The following FBF1 variants were observed in gnomAD, a reference collection of about 807,000 sequenced individuals.
The protein encoded by FBF1 is Fas binding factor 1.
FBF1 carries 119 observed loss-of-function variants against 147.2 expected under a neutral mutation model. The ratio of observed to expected loss-of-function variants is 0.81; its 90% CI spans 0.70 to 0.94. FBF1 has a LOEUF of 0.94. Among genes scored for constraint, FBF1 ranks in the 40% least tolerant of loss-of-function variants. The probability of loss-of-function intolerance (pLI) is 0.00; values close to 1 mark genes in which losing one functional copy is unlikely to be tolerated. For synonymous variants in FBF1, 601 were observed against 609.0 expected, an observed-to-expected ratio of 0.99 and a Z score of 0.19; for missense variants, 1,449 against 1,500.8, an observed-to-expected ratio of 0.97 and a Z score of 0.57.
In FBF1 at chr17:75,928,126, G is replaced by A. The variant is rs2065573483; in HGVS notation, c.347C>T (p.Ala116Val). The A allele has an allele frequency of 6.2e-7, 1 of 1,613,846 alleles. No individual in the cohort carries two copies. ...KKSNSAPSKKAAKDPGKGELP... is the reference protein window; with the variant it reads ...KKSNSAPSKKVAKDPGKGELP... ...CTCTCCTTTCCCAGGGTCCTTTGCA[G>A]CTTTTTTGCTAGGGGCTGAATTAGA... Residue 116 changes from alanine to valine, a missense_variant, in exon 8 of 30, where the codon GCT becomes GTT. Transcript: ENST00000636174. This position sits in a 1 kb window ranked among gnomAD's most constrained non-coding sequence, Gnocchi z 4.2.
rs1045933886 is a variant in FBF1, at chr17:75,922,873, G to A, written c.1424+313C>T. Among the ~76,000 whole-genome samples the A allele has an allele frequency of 2.6e-5, 4 of 152,212 alleles. No individual in the cohort carries two copies. Among genetic ancestry groups the A allele is most frequent in the African/African-American group, 9.6e-5 (4 of 41,462 alleles). On this transcript the variant is annotated intron_variant, in intron 14 of 29. Coordinates refer to ENST00000636174, the MANE Select transcript of FBF1 (RefSeq NM_001319193.2). This position sits in a 1 kb window ranked among gnomAD's most constrained non-coding sequence, Gnocchi z 5.0. Reference sequence around the variant, plus strand: ...CCTGAGGGCGCTGTGACAGGGCAGCGGTGTGTCTGCCACCTCAGGGACCCT... The same window carrying A: ...CCTGAGGGCGCTGTGACAGGGCAGCAGTGTGTCTGCCACCTCAGGGACCCT...
chr17:75,914,889 C>A lies in FBF1; in HGVS notation c.2672G>T (p.Gly891Val), dbSNP rs369687550. The A allele has an allele frequency of 3.3e-5, 53 of 1,612,294 alleles. No individual in the cohort carries two copies. The highest frequency in any genetic ancestry group is 3.8e-5 in the Non-Finnish European group (45 of 1,179,666). ...EEQKSVMLKC[G>V]EERRRLAAEW... ...GGCAGCCAGGCGCCGCCGCTCCTCCCCGCACTTGAGCATGACAGACTTCTG... is the reference window on the plus strand; with the variant it reads ...GGCAGCCAGGCGCCGCCGCTCCTCCACGCACTTGAGCATGACAGACTTCTG... The change falls in exon 25 of 30, where the codon GGG becomes GTG. Residue 891 changes from glycine to valine, a missense_variant. Gly to Val is a moderately radical substitution (Grantham distance 109). Coordinates refer to ENST00000636174, the MANE Select transcript of FBF1 (RefSeq NM_001319193.2).
chr17:75,919,549 G>T lies in FBF1; in HGVS notation c.2138+119C>A. 1 of 1,153,510 alleles carries T rather than the reference G, an allele frequency of 8.7e-7. No individual in the cohort carries two copies. 71.5% of individuals were successfully genotyped at this position (1,153,510 alleles called of 1,614,324 possible). A position where few individuals can be genotyped will look rare whatever the true frequency, so the allele number is the denominator to read the frequency against. On this transcript the variant is annotated intron_variant, in intron 20 of 29. Transcript: ENST00000636174. The surrounding 1 kb of genome is among the most constrained non-coding windows in gnomAD (Gnocchi z 5.0). ...CAGTCCTCACTCACTGGACTGGGAG[G>T]GAAGGACCCAACCCCTGTCCAAAGG...
rs992321599 is a variant in FBF1 at position 75,925,923 on chromosome 17, C to G, written c.868+107G>C. On this transcript the variant is annotated intron_variant, in intron 12 of 29. Coordinates refer to ENST00000636174, the MANE Select transcript of FBF1 (RefSeq NM_001319193.2). The surrounding 1 kb of genome is among the most constrained non-coding windows in gnomAD (Gnocchi z 5.0). ...TCTCAGCTATAGACGTGTATAATCA[C>G]ATGTGTGTATCAGGATGTGAGGCTG... 10 of 1,403,296 alleles carry G rather than the reference C, an allele frequency of 7.1e-6. No individual in the cohort carries two copies. In the East Asian group the frequency reaches 2.2e-4, roughly 31 times the overall value. 86.9% of individuals were successfully genotyped at this position (1,403,296 alleles called of 1,614,324 possible). A position where few individuals can be genotyped will look rare whatever the true frequency, so the allele number is the denominator to read the frequency against.
chr17:75,933,038 T>G lies in FBF1; in HGVS notation c.124A>C (p.Thr42Pro). 1.2e-6 allele frequency: 2 copies of G among 1,608,442 alleles called. No individual in the cohort carries two copies. The highest frequency in any genetic ancestry group is 1.7e-6 in the Non-Finnish European group (2 of 1,175,416). The change falls in exon 5 of 30, where the codon ACA becomes CCA. Residue 42 changes from threonine (T) to proline (P), a missense_variant. Coordinates refer to ENST00000636174, the MANE Select transcript of FBF1 (RefSeq NM_001319193.2). ...VKLASHTRDT[T>P]GVSQMFPSSK... is the part of the protein sequence containing the mutation. ...GAAGGGAACATCTGAGATACACCTG[T>G]GGTGTCTCTGGTATGTGAAGCTAGT...
chr17:75,932,601 C>T (rs892523404), intron 5 of FBF1, among the ~76,000 whole-genome samples: 4 of 151,566 alleles, frequency 2.6e-5, no homozygotes, highest in East Asian at 2.0e-4. Context: ...CAAAATTAGC[C>T]GGGTGGGCCG....
chr17:75,933,506 G>T (rs572998143), intron 4 of FBF1, among the ~76,000 whole-genome samples: 1 of 152,262 alleles, frequency 6.6e-6, no homozygotes, highest in South Asian at 2.1e-4. Context: ...GGGAGACGGA[G>T]ATTGCAGTGA....
At chr17:75,935,922 T>C (rs985941410) in intron 3 of FBF1, among the ~76,000 whole-genome samples, 5 of 152,138 alleles carry the variant, frequency 3.3e-5, no homozygotes, top group Non-Finnish European at 7.4e-5. Context: ...ACACCTGCAA[T>C]CCCAGCACTT....
intron 2 of FBF1, 35 bp from the exon 3 acceptor site, chr17:75,937,628 C>A (rs773073204): frequency 6.2e-7 from 1 of 1,612,956 alleles, no homozygotes; most frequent in East Asian, 2.2e-5. Context: ...TCAAGAAAAC[C>A]AAACAGTGAA....
rs2065453308 is a variant in FBF1 at position 75,910,907 on chromosome 17, C to A, written c.3364-101G>T. The A allele has an allele frequency of 1.0e-6, 1 of 993,590 alleles. No homozygotes were observed. The allele number at this position is 993,590 out of a possible 1,614,324, so 61.5% of individuals were successfully genotyped here. A position where few individuals can be genotyped will look rare whatever the true frequency, so the allele number is the denominator to read the frequency against. On this transcript the variant is annotated intron_variant, in intron 29 of 29. Transcript: ENST00000636174. The surrounding 1 kb of genome is among the most constrained non-coding windows in gnomAD (Gnocchi z 4.1). ...CAGCCGTCACTGAGGCCCCTCCCCACATCGTCCCTGACTCTGCCTGGCTCT... is the reference window on the plus strand; with the variant it reads ...CAGCCGTCACTGAGGCCCCTCCCCAAATCGTCCCTGACTCTGCCTGGCTCT...
At position 75,917,810 on chromosome 17, in the gene FBF1, C is replaced by G. The variant is rs764710098; in HGVS notation, c.2427G>C (p.Glu809Asp). Reference protein sequence around the residue: ...ERLGQQQRDMEEERSRQQEVI... With the variant: ...ERLGQQQRDMDEERSRQQEVI... Reference sequence around the variant, plus strand: ...CCTCCTGTTGCCGGCTCCGCTCCTCCTCCATGTCCCGCTGCTGCTGGCCCA... The same window carrying G: ...CCTCCTGTTGCCGGCTCCGCTCCTCGTCCATGTCCCGCTGCTGCTGGCCCA... The change falls in exon 23 of 30, where the codon GAG becomes GAC. Residue 809 changes from glutamate (E) to aspartate (D), a missense_variant. Coordinates refer to ENST00000636174, the MANE Select transcript of FBF1 (RefSeq NM_001319193.2). 2 of 1,609,016 alleles carry G rather than the reference C, an allele frequency of 1.2e-6. No homozygotes were observed. The highest frequency in any genetic ancestry group is 2.2e-5 in the South Asian group (2 of 90,296).
rs1250906818 is a variant in FBF1 at position 75,910,820 on chromosome 17, T to A, written c.3364-14A>T. Reference sequence around the variant, plus strand: ...GAAGTCACGGTCCTGCAAGGCAGGTTTGGATGGGCGGTCACCTTCCCTGAG... The same window carrying A: ...GAAGTCACGGTCCTGCAAGGCAGGTATGGATGGGCGGTCACCTTCCCTGAG... On this transcript the variant is annotated splice_polypyrimidine_tract_variant and intron_variant, in intron 29 of 29. Coordinates refer to ENST00000636174, the MANE Select transcript of FBF1 (RefSeq NM_001319193.2). This position sits in a 1 kb window ranked among gnomAD's most constrained non-coding sequence, Gnocchi z 4.1. The A allele has an allele frequency of 1.9e-6, 3 of 1,600,704 alleles. No individual in the cohort carries two copies. Among genetic ancestry groups the A allele is most frequent in the African/African-American group, 1.3e-5 (1 of 74,802 alleles).
At chr17:75,927,791 T>C (rs970530943) in intron 8 of FBF1, among the ~76,000 whole-genome samples, 2 of 152,150 alleles carry the variant, frequency 1.3e-5, no homozygotes, top group Non-Finnish European at 2.9e-5. Context: ...CAGGCTGCCA[T>C]AGAGTTCTCC....
At position 75,919,273 on chromosome 17, in the gene FBF1, G is replaced by A. The variant is rs1387254992; in HGVS notation, c.2138+395C>T. Among the ~76,000 whole-genome samples, 1 of 152,182 alleles carries A rather than the reference G, an allele frequency of 6.6e-6. No homozygotes were observed. Among genetic ancestry groups the A allele is most frequent in the African/African-American group, 2.4e-5 (1 of 41,450 alleles). On this transcript the variant is annotated intron_variant, in intron 20 of 29. Coordinates refer to ENST00000636174, the MANE Select transcript of FBF1 (RefSeq NM_001319193.2). This position sits in a 1 kb window ranked among gnomAD's most constrained non-coding sequence, Gnocchi z 5.0. ...TGACTCCCTTAGGTAACTTTTCTTA[G>A]TTTCCTTCTCTTCTAGAAAGGCAAC...
chr17:75,938,198 T>C lies in FBF1; in HGVS notation c.-49A>G. 1 of 1,612,780 alleles carries C rather than the reference T, an allele frequency of 6.2e-7. No individual in the cohort carries two copies. The highest frequency in any genetic ancestry group is 8.5e-7 in the Non-Finnish European group (1 of 1,179,484). On this transcript the variant is annotated 5_prime_UTR_variant, in exon 2 of 30. It removes the in-frame stop codon of an upstream open reading frame in the 5' UTR. Transcript: ENST00000636174. ...CAGCTCCTTCACAGCACTGGCCAGC[T>C]CATCTGGATTCTGCCCACATCAGGC...
rs200342777 is a variant in FBF1, at chr17:75,919,848, G to A, written c.1958C>T (p.Ser653Leu). The A allele has an allele frequency of 1.7e-5, 28 of 1,613,814 alleles. No homozygotes were observed. Among genetic ancestry groups the A allele is most frequent in the Middle Eastern group, 1.6e-4 (1 of 6,062 alleles). The stretch of plus-strand genomic sequence containing the variant: ...GAGCCGCTCCTCCCGTTGCTGGTAC[G>A]ATGTTTCTAGCACCTTGATGCGGCT... ...HRSRIKVLET[S>L]YQQREERLRR... is the part of the protein sequence containing the mutation. The change falls in exon 20 of 30, where the codon TCG becomes TTG. Residue 653 changes from serine to leucine, a missense_variant. Ser to Leu is a moderately radical substitution (Grantham distance 145). Coordinates refer to ENST00000636174, the MANE Select transcript of FBF1 (RefSeq NM_001319193.2). This position sits in a 1 kb window ranked among gnomAD's most constrained non-coding sequence, Gnocchi z 5.0.
At chr17:75,935,787 G>A (rs1383035557) in intron 3 of FBF1, 114 bp from the exon 4 acceptor site, 3 of 941,760 alleles carry the variant, frequency 3.2e-6, no homozygotes, top group Admixed American at 3.1e-5. Flanking sequence ...TTGGGACTTA[G>A]GCTTAGCTCT....
chr17:75,912,403 G>C (rs768154085), intron 28 of FBF1, 96 bp from the exon 29 acceptor site: 2 of 880,680 alleles, frequency 2.3e-6, no homozygotes, highest in Admixed American at 2.9e-5. Flanking sequence ...CCCGCCAGTG[G>C]GTGGACCCTG....
intron 2 of FBF1, chr17:75,937,939 C>A (rs1270810149): frequency 4.3e-6 from 3 of 701,298 alleles, no homozygotes; most frequent in Non-Finnish European, 7.2e-6. Flanking sequence ...CACTTAAAAA[C>A]GCTTCCAGCT....
Sources: allele counts gnomAD v4.1 joint callset (sites outside exome capture counted in the v4.1 genomes callset), GRCh38; gene constraint gnomAD v4.1.1; non-coding constraint Gnocchi (gnomAD v3.1); transcripts MANE v1.5; gene names NCBI Gene and HGNC (gene_info 2026-07-23, HGNC 2026-07-21).